The following CSMD3 variants were observed in gnomAD, a reference collection of about 807,000 sequenced individuals.
CSMD3 encodes CUB and sushi domain-containing protein 3.
A neutral mutation model predicts 435.2 loss-of-function variants in CSMD3; 177 were observed. The observed-to-expected ratio is 0.41, with a 90% confidence interval of 0.36 to 0.46. The LOEUF is 0.46. CSMD3 is among the 20% of genes least tolerant of loss of function. CSMD3 has a pLI of 0.34. For synonymous variants in CSMD3, 1,656 were observed against 1,520.5 expected, an observed-to-expected ratio of 1.09 and a Z score of -2.07; for missense variants, 4,265 against 4,504.6, an observed-to-expected ratio of 0.95 and a Z score of 1.52.
intron 45 of CSMD3, among the ~76,000 whole-genome samples, chr8:112,326,626 A>C (rs553384765): frequency 6.6e-6 from 1 of 152,212 alleles, no homozygotes; most frequent in Non-Finnish European, 1.5e-5. Context: ...TGTAACTTCA[A>C]TCTGACGTGA....
intron 12 of CSMD3, among the ~76,000 whole-genome samples, chr8:112,822,381 T>G (rs2079552912): frequency 6.6e-6 from 1 of 152,114 alleles, no homozygotes; most frequent in Admixed American, 6.5e-5. Flanking sequence ...CCTTGTAAGT[T>G]GTATTCCTAA....
intron 20 of CSMD3, among the ~76,000 whole-genome samples, chr8:112,639,192 A>G (rs1245916865): frequency 1.3e-5 from 2 of 152,094 alleles, no homozygotes; most frequent in Non-Finnish European, 2.9e-5. Context: ...TTTTCTGAAA[A>G]TTTCAAGAGA....
Position 112,586,461 on chromosome 8 carries a change from T to C in CSMD3, c.3885+605A>G, listed in dbSNP as rs1018442836. Among the ~76,000 whole-genome samples the C allele has an allele frequency of 3.8e-3, 580 of 151,668 alleles. 4 individuals carry two copies. The highest frequency in any genetic ancestry group is 0.012 in the African/African-American group (498 of 41,540). ...ATTTATTTGCCAAAATGTTATCTTT[T>C]TAGAAAAGTAGATATTTGATTATTT... On this transcript the variant is annotated intron_variant, in intron 23 of 70. Transcript: ENST00000297405.
At chr8:112,351,305 C>T (rs779910694) in intron 39 of CSMD3, 61 bp from the exon 40 acceptor site, 19 of 1,057,530 alleles carry the variant, frequency 1.8e-5, no homozygotes, top group East Asian at 2.4e-5. Context: ...TTTATTGTAG[C>T]ATAGTCAATT....
rs2131223905 is a variant in CSMD3 at position 112,556,781 on chromosome 8, G to T, written c.4216C>A (p.Pro1406Thr). ...MTGERRAWDY[P>T]LPSCIAECGG... ...ATCCTACCAATACAGGAAGGCAGAG[G>T]ATAGTCCCATGCCCTTCTCTCCCCT... Residue 1406 changes from proline to threonine, a missense_variant, in exon 25 of 71, where the codon CCT becomes ACT. Physicochemically the swap from Pro to Thr is conservative, Grantham distance 38 (BLOSUM62 -1). Transcript: ENST00000297405. 1 of 1,611,098 alleles carries T rather than the reference G, an allele frequency of 6.2e-7. No homozygotes were observed. Among genetic ancestry groups the T allele is most frequent in the Non-Finnish European group, 8.5e-7 (1 of 1,177,788 alleles).
intron 26 of CSMD3, among the ~76,000 whole-genome samples, chr8:112,551,779 A>G (rs1023439572): frequency 6.6e-6 from 1 of 152,048 alleles, no homozygotes; most frequent in Non-Finnish European, 1.5e-5. Flanking sequence ...ACCACCTAGA[A>G]GCCTGTCTGA....
chr8:112,750,215 A>T (rs1315496880), intron 13 of CSMD3, among the ~76,000 whole-genome samples: 3 of 151,914 alleles, frequency 2.0e-5, no homozygotes, highest in Non-Finnish European at 4.4e-5. Context: ...ACTTTCTGGG[A>T]ATCATAATAA....
chr8:112,388,369 A>G (rs1830139665), intron 36 of CSMD3, among the ~76,000 whole-genome samples: 1 of 152,224 alleles, frequency 6.6e-6, no homozygotes, highest in South Asian at 2.1e-4. Context: ...GGAGAATAAG[A>G]ACCTGGGACA....
intron 22 of CSMD3, among the ~76,000 whole-genome samples, chr8:112,609,754 A>G (rs1190414341): frequency 2.0e-5 from 3 of 152,162 alleles, no homozygotes; most frequent in African/African-American, 7.2e-5. Context: ...GAAACAACCA[A>G]CCTAAGTGTC....
In CSMD3 at chr8:112,461,700, C is replaced by T. The variant is rs556187848; in HGVS notation, c.5395+10891G>A. Among the ~76,000 whole-genome samples, 11 of 151,990 alleles carry T rather than the reference C, an allele frequency of 7.2e-5. No individual in the cohort carries two copies. In the South Asian group the frequency reaches 1.0e-3, roughly 14 times the overall value. ...GTGAGAAAGTTAAAACTGACCATCA[C>T]GGATATTCCGATGCATTAAAAAAGA... On this transcript the variant is annotated intron_variant, in intron 32 of 70. Coordinates refer to ENST00000297405, the MANE Select transcript of CSMD3 (RefSeq NM_198123.2).
chr8:113,175,118 A>G (rs180675761), intron 3 of CSMD3, among the ~76,000 whole-genome samples: 1 of 152,030 alleles, frequency 6.6e-6, no homozygotes, highest in African/African-American at 2.4e-5. Flanking sequence ...AATAATTAAA[A>G]TATCGATGTC....
At chr8:112,743,580 G>T (rs1244752906) in intron 13 of CSMD3, among the ~76,000 whole-genome samples, 1 of 151,662 alleles carries the variant, frequency 6.6e-6, no homozygotes, top group East Asian at 1.9e-4. Context: ...AAAATCCTTT[G>T]GGAAATACCA....
chr8:113,237,629 A>C (rs2093164648), intron 3 of CSMD3, among the ~76,000 whole-genome samples: 1 of 149,456 alleles, frequency 6.7e-6, no homozygotes, highest in Non-Finnish European at 1.5e-5. Flanking sequence ...TCTCTAGATG[A>C]ATTACTCAGA....
intron 5 of CSMD3, among the ~76,000 whole-genome samples, chr8:113,042,022 T>G (rs1354284962): frequency 6.6e-6 from 1 of 152,230 alleles, no homozygotes; most frequent in Admixed American, 6.5e-5. Flanking sequence ...GAATTAATGC[T>G]TTGTTGTACT....
chr8:112,855,809 C>CTTTTTTTTTT (rs34885472), intron 11 of CSMD3, among the ~76,000 whole-genome samples: 4 of 135,572 alleles, frequency 3.0e-5, no homozygotes, highest in Non-Finnish European at 3.1e-5. Flanking sequence ...CTTAGCGAAG[C>CTTTTTTTTTT]TTTTTTTTTT....
chr8:112,628,163 C>T (rs1047016848), intron 22 of CSMD3, among the ~76,000 whole-genome samples: 1 of 151,950 alleles, frequency 6.6e-6, no homozygotes, highest in East Asian at 1.9e-4. Context: ...TATCACACAC[C>T]TTTTTTACCT....
chr8:112,761,594 G>A (rs565099178), intron 13 of CSMD3, among the ~76,000 whole-genome samples: 76 of 152,134 alleles, frequency 5.0e-4, no homozygotes, highest in African/African-American at 1.7e-3. Flanking sequence ...TATGAAAGCA[G>A]TTTAAAAAGT....
At chr8:113,435,046 C>A (rs1394771378) in intron 1 of CSMD3, among the ~76,000 whole-genome samples, 1 of 152,238 alleles carries the variant, frequency 6.6e-6, no homozygotes, top group African/African-American at 2.4e-5. Context: ...CAGGCAGCCC[C>A]AGGGCCATCC....
intron 4 of CSMD3, among the ~76,000 whole-genome samples, chr8:113,152,064 A>G (rs1424797790): frequency 6.6e-6 from 1 of 151,998 alleles, no homozygotes; most frequent in Non-Finnish European, 1.5e-5. Flanking sequence ...GGACCACTAT[A>G]TGTGAAACTA....
Sources: allele counts gnomAD v4.1 joint callset (sites outside exome capture counted in the v4.1 genomes callset), GRCh38; gene constraint gnomAD v4.1.1; transcripts MANE v1.5; gene names NCBI Gene and HGNC (gene_info 2026-07-23, HGNC 2026-07-21).